The following RFFL variants were observed in gnomAD, a reference collection of about 807,000 sequenced individuals.
The protein encoded by RFFL is ring finger and FYVE like domain containing E3 ubiquitin protein ligase.
In RFFL, 16 loss-of-function variants were observed where a neutral mutation model predicts 40.4. The observed-to-expected ratio is 0.40, with a 90% CI of 0.27 to 0.60. The LOEUF (loss-of-function observed/expected upper bound fraction) is 0.60, where lower values mean the gene tolerates loss of function less well. Ranked by LOEUF, RFFL falls within the 20% of genes least tolerant of loss-of-function variation. RFFL has a pLI of 0.47. For synonymous variants in RFFL, 154 were observed against 167.9 expected, an observed-to-expected ratio of 0.92 and a Z score of 0.64; for missense variants, 367 against 451.7, an observed-to-expected ratio of 0.81 and a Z score of 1.70.
At chr17:35,069,157 C>T (rs545880401) in intron 1 of RFFL, 1 of 431,502 alleles carries the variant, frequency 2.3e-6, no homozygotes, top group African/African-American at 2.0e-5. Context: ...TTTCTGTATA[C>T]CTCTGAATTC....
Position 35,056,375 on chromosome 17 carries a change from C to CTTTT in RFFL, c.-9+7197_-9+7200dup, listed in dbSNP as rs71147455. On this transcript the variant is annotated intron_variant, in intron 1 of 6. Transcript: ENST00000394597. ...CCTTCTCTAGTGAATTTTACTTCTA[C>CTTTT]TTTTTTTTTTTTTTTTTTTTGAGAC... Among the ~76,000 whole-genome samples the CTTTT allele has an allele frequency of 3.3e-4, 40 of 120,704 alleles. No individual in the cohort carries two copies. The South Asian group carries it at 8.5e-3, about 26-fold the overall frequency. The allele number at this position is 120,704 out of a possible 152,430, so 79.2% of individuals were successfully genotyped here.
intron 3 of RFFL, among the ~76,000 whole-genome samples, chr17:35,019,650 A>G (rs2090996040): frequency 6.6e-6 from 1 of 152,110 alleles, no homozygotes; most frequent in African/African-American, 2.4e-5. Context: ...TGGGATTACC[A>G]GGCATGAACC....
chr17:35,008,326 GT>G lies in RFFL; in HGVS notation c.*3641del, dbSNP rs1191531554. 1.3e-5 allele frequency: 2 copies of G among 152,222 alleles called. No homozygotes were observed. Among genetic ancestry groups the G allele is most frequent in the African/African-American group, 4.8e-5 (2 of 41,446 alleles). The allele number at this position is 152,222 out of a possible 1,614,324, so 9.4% of individuals were successfully genotyped here. The stretch of plus-strand genomic sequence containing the variant: ...TACATTTGTGGTCTTGAGCAAGTTA[GT>G]TAGTTACAACAACACTGAGCATCTT... On this transcript the variant is annotated 3_prime_UTR_variant, in exon 7 of 7. Coordinates refer to ENST00000394597, the MANE Select transcript of RFFL (RefSeq NM_001017368.2).
At chr17:35,031,370 G>C (rs922367632) in intron 1 of RFFL, among the ~76,000 whole-genome samples, 4 of 151,994 alleles carry the variant, frequency 2.6e-5, no homozygotes, top group African/African-American at 9.7e-5. Flanking sequence ...GCCTCCCAAA[G>C]TGCTGGGATT....
chr17:35,032,821 G>A (rs1198031161), intron 1 of RFFL, among the ~76,000 whole-genome samples: 2 of 152,058 alleles, frequency 1.3e-5, no homozygotes, highest in Non-Finnish European at 2.9e-5. Flanking sequence ...CTCAGAGCAG[G>A]GGGAACTGGA....
chr17:35,041,931 C>T (rs186673079), intron 1 of RFFL, among the ~76,000 whole-genome samples: 1 of 152,248 alleles, frequency 6.6e-6, no homozygotes, highest in African/African-American at 2.4e-5. Context: ...AGAAGTATCG[C>T]TTGAACCCGG....
chr17:35,054,404 C>T (rs2091248195), intron 1 of RFFL, among the ~76,000 whole-genome samples: 1 of 152,164 alleles, frequency 6.6e-6, no homozygotes, highest in African/African-American at 2.4e-5. Context: ...ATGGGTAATG[C>T]ACTGACTTTG....
chr17:35,045,633 T>C (rs1192851729), intron 1 of RFFL, among the ~76,000 whole-genome samples: 1 of 152,110 alleles, frequency 6.6e-6, no homozygotes, highest in Non-Finnish European at 1.5e-5. Flanking sequence ...TTCTCAGCCT[T>C]AATGCCAGGT....
In RFFL at chr17:35,011,690, T is replaced by C. The variant is rs984654251; in HGVS notation, c.*278A>G. 2.7e-6 allele frequency: 1 copy of C among 376,634 alleles called. No individual in the cohort carries two copies. The highest frequency in any genetic ancestry group is 2.0e-5 in the African/African-American group (1 of 49,116). The allele number at this position is 376,634 out of a possible 1,614,324, so 23.3% of individuals were successfully genotyped here. Reference sequence around the variant, plus strand: ...AGACAGGACCCAAGTTCTGGAAAGTTCTCTGTTCATCAGTTACCATCATCA... The same window carrying C: ...AGACAGGACCCAAGTTCTGGAAAGTCCTCTGTTCATCAGTTACCATCATCA... On this transcript the variant is annotated 3_prime_UTR_variant, in exon 7 of 7. Coordinates refer to ENST00000394597, the MANE Select transcript of RFFL (RefSeq NM_001017368.2).
intron 1 of RFFL, among the ~76,000 whole-genome samples, chr17:35,038,186 G>A (rs2091136695): frequency 6.6e-6 from 1 of 151,492 alleles, no homozygotes; most frequent in African/African-American, 2.4e-5. Context: ...CTACTCAGGA[G>A]GCTGAGGCAG....
intron 1 of RFFL, among the ~76,000 whole-genome samples, chr17:35,059,016 A>T (rs1567713171): frequency 6.9e-6 from 1 of 145,006 alleles, no homozygotes; most frequent in African/African-American, 2.7e-5. Flanking sequence ...CTCGAGCTAG[A>T]ATTTTTTTTT....
chr17:35,088,159 T>C (rs2091440377), intron 1 of RFFL, among the ~76,000 whole-genome samples: 1 of 152,178 alleles, frequency 6.6e-6, no homozygotes, highest in Non-Finnish European at 1.5e-5. Flanking sequence ...ACTGCTTTCT[T>C]AGAAGGCCAC....
chr17:35,042,188 A>T (rs1056553747), intron 1 of RFFL: 2 of 152,150 alleles, frequency 1.3e-5, no homozygotes, highest in African/African-American at 2.4e-5. Flanking sequence ...CAGCATAATT[A>T]AAAAATCACA....
chr17:35,072,118 A>T (rs2091353799), intron 1 of RFFL, among the ~76,000 whole-genome samples: 1 of 151,810 alleles, frequency 6.6e-6, no homozygotes, highest in African/African-American at 2.4e-5. Flanking sequence ...CTGTCTATAA[A>T]AAAAATACAA....
At chr17:35,021,290 T>C in intron 3 of RFFL, 81 bp downstream of exon 3, 2 of 1,396,746 alleles carry the variant, frequency 1.4e-6, no homozygotes, top group Non-Finnish European at 1.9e-6. Flanking sequence ...TACCCCATTC[T>C]CACAACAAAG....
intron 1 of RFFL, among the ~76,000 whole-genome samples, chr17:35,032,224 C>A (rs950266670): frequency 1.3e-5 from 2 of 151,904 alleles, no homozygotes; most frequent in African/African-American, 4.8e-5. Context: ...TGGTAAGGAA[C>A]CTGGACTGGA....
At chr17:35,014,876 G>T in intron 5 of RFFL, 113 bp from the exon 6 acceptor site, 1 of 1,061,494 alleles carries the variant, frequency 9.4e-7, no homozygotes, top group Non-Finnish European at 1.5e-6. Context: ...TGGGAACCAG[G>T]CTTGCCAAGA....
chr17:35,009,924 T>C lies in RFFL; in HGVS notation c.*2044A>G, dbSNP rs1329099169. ...TGATCCTTTGCTAATTGGTAGGCAT[T>C]GTAAACTATAGTATTTACTGCCCAT... On this transcript the variant is annotated 3_prime_UTR_variant, in exon 7 of 7. Coordinates refer to ENST00000394597, the MANE Select transcript of RFFL (RefSeq NM_001017368.2). 2 of 152,652 alleles carry C rather than the reference T, an allele frequency of 1.3e-5. No individual in the cohort carries two copies. The highest frequency in any genetic ancestry group is 3.8e-4 in the East Asian group (2 of 5,200). 9.5% of individuals were successfully genotyped at this position (152,652 alleles called of 1,614,324 possible).
In RFFL at chr17:35,029,606, C is replaced by T. The variant is rs533121121; in HGVS notation, c.-8-3045G>A. ...CATGATCTCAGCTCACTGCAAGCTCCGCCTCCCGGGTTCACACCATTCTCC... is the reference window on the plus strand; with the variant it reads ...CATGATCTCAGCTCACTGCAAGCTCTGCCTCCCGGGTTCACACCATTCTCC... On this transcript the variant is annotated intron_variant, in intron 1 of 6. Coordinates refer to ENST00000394597, the MANE Select transcript of RFFL (RefSeq NM_001017368.2). Among the ~76,000 whole-genome samples the T allele has an allele frequency of 3.6e-4, 54 of 150,860 alleles. No homozygotes were observed. In the East Asian group the frequency reaches 4.5e-3, roughly 12 times the overall value.
Sources: gnomAD v4.1 joint callset for allele counts (sites outside exome capture counted in the v4.1 genomes callset) on GRCh38, gnomAD v4.1.1 for gene constraint, MANE v1.5 for transcripts, NCBI Gene and HGNC (gene_info 2026-07-23, HGNC 2026-07-21) for gene names.